The following EIF2B3 variants were observed in gnomAD, a reference collection of about 807,000 sequenced individuals.
EIF2B3 encodes eukaryotic translation initiation factor 2B subunit gamma, also known as translation initiation factor eIF2B subunit gamma.
EIF2B3 carries 20 observed loss-of-function variants against 54.1 expected under a neutral mutation model. That is an observed-to-expected ratio of 0.37 (90% CI 0.26 to 0.54). The LOEUF (loss-of-function observed/expected upper bound fraction) is 0.54, where lower values mean the gene tolerates loss of function less well. Ranked by LOEUF, EIF2B3 falls within the 20% of genes least tolerant of loss-of-function variation. The probability of loss-of-function intolerance (pLI) is 0.86; values close to 1 mark genes in which losing one functional copy is unlikely to be tolerated. For missense variants in EIF2B3, 448 were observed against 547.8 expected (o/e 0.82, Z 1.82); for synonymous variants, 153 against 188.1 (o/e 0.81, Z 1.52).
intron 8 of EIF2B3, among the ~76,000 whole-genome samples, chr1:44,877,072 G>A (rs1249424078): frequency 2.7e-5 from 4 of 150,362 alleles, no homozygotes; most frequent in Non-Finnish European, 3.0e-5. Context: ...AGGCCACAGG[G>A]TCCTCTGCCT....
At chr1:44,897,264 G>A in intron 6 of EIF2B3, 91 bp downstream of exon 6, 3 of 918,180 alleles carry the variant, frequency 3.3e-6, no homozygotes, top group Non-Finnish European at 5.2e-6. Flanking sequence ...TTAGAAACTG[G>A]TTATCTAAAT....
chr1:44,879,865 A>C lies in EIF2B3; in HGVS notation c.928T>G (p.Cys310Gly). The change falls in exon 8 of 12, where the codon TGC (cysteine) becomes GGC (glycine). Residue 310 changes from cysteine to glycine, a missense_variant. Transcript: ENST00000360403. ...CYVHIMKEGL[C>G]SRVSTLGLYM... ...AGTCCCAGTGTGCTCACTCGAGAGC[A>C]GAGCCCCTCTTTCATGATGTGGACA... 6.2e-7 allele frequency: 1 copy of C among 1,614,208 alleles called. No individual in the cohort carries two copies. The highest frequency in any genetic ancestry group is 8.5e-7 in the Non-Finnish European group (1 of 1,180,040).
intron 3 of EIF2B3, chr1:44,958,718 C>T (rs1644253755): frequency 6.3e-7 from 1 of 1,590,220 alleles, no homozygotes. Flanking sequence ...GAAACAGTAC[C>T]CTTTCTGGAA....
chr1:44,857,562 C>A, intron 11 of EIF2B3, 142 bp downstream of exon 11: 1 of 781,546 alleles, frequency 1.3e-6, no homozygotes. Context: ...ATGTCAACTG[C>A]TCTCCAAAGA....
chr1:44,967,542 C>T (rs1172479309), intron 3 of EIF2B3, among the ~76,000 whole-genome samples: 1 of 151,010 alleles, frequency 6.6e-6, no homozygotes, highest in African/African-American at 2.4e-5. Context: ...AGTTTGAGAC[C>T]ATCCTGGCTA....
chr1:44,963,358 C>A (rs952182282), intron 3 of EIF2B3, among the ~76,000 whole-genome samples: 2 of 151,468 alleles, frequency 1.3e-5, no homozygotes, highest in African/African-American at 2.4e-5. Context: ...CAACCTCTGT[C>A]TCCCAGGCTC....
At chr1:44,903,394 G>A (rs1055954098) in intron 5 of EIF2B3, among the ~76,000 whole-genome samples, 1 of 152,144 alleles carries the variant, frequency 6.6e-6, no homozygotes, top group African/African-American at 2.4e-5. Context: ...CAGGCTCAGG[G>A]CAATGCCAAA....
intron 10 of EIF2B3, among the ~76,000 whole-genome samples, chr1:44,861,331 G>GCTA: frequency 6.6e-6 from 1 of 152,230 alleles, no homozygotes; most frequent in East Asian, 1.9e-4. Flanking sequence ...CTTTCAGTTG[G>GCTA]CTACTAGTTT....
chr1:44,876,029 G>A (rs1030717693), intron 8 of EIF2B3, among the ~76,000 whole-genome samples: 5 of 152,244 alleles, frequency 3.3e-5, no homozygotes, highest in South Asian at 2.1e-4. Context: ...CGAGTGATCC[G>A]CCAGCCTCGG....
intron 3 of EIF2B3, among the ~76,000 whole-genome samples, chr1:44,973,314 T>G (rs1263020924): frequency 6.6e-6 from 1 of 152,238 alleles, no homozygotes; most frequent in East Asian, 1.9e-4. Context: ...CGTGGATGGA[T>G]GAATGGCTAA....
At chr1:44,960,282 C>T (rs986832830) in intron 3 of EIF2B3, among the ~76,000 whole-genome samples, 2 of 151,464 alleles carry the variant, frequency 1.3e-5, no homozygotes, top group Non-Finnish European at 2.9e-5. Context: ...CAAAAATATT[C>T]GAGAAAAAAT....
intron 8 of EIF2B3, among the ~76,000 whole-genome samples, chr1:44,878,509 C>T (rs554764189): frequency 1.9e-4 from 29 of 152,002 alleles, no homozygotes; most frequent in Admixed American, 1.8e-3. Context: ...GCGATCCACC[C>T]GTCTCAGCCT....
intron 7 of EIF2B3, among the ~76,000 whole-genome samples, chr1:44,880,982 G>A (rs1002221331): frequency 6.6e-6 from 1 of 151,424 alleles, no homozygotes; most frequent in Non-Finnish European, 1.5e-5. Flanking sequence ...AAAAAAAAAA[G>A]ACACAATGCT....
chr1:44,925,961 C>T (rs1643843166), intron 5 of EIF2B3, among the ~76,000 whole-genome samples: 1 of 151,740 alleles, frequency 6.6e-6, no homozygotes, highest in African/African-American at 2.4e-5. Flanking sequence ...CGCACGGTGG[C>T]TCACGCCTGT....
chr1:44,976,480 C>CA (rs1644454169), intron 3 of EIF2B3, among the ~76,000 whole-genome samples: 1 of 152,162 alleles, frequency 6.6e-6, no homozygotes, highest in Non-Finnish European at 1.5e-5. Context: ...GAAGCAAACG[C>CA]AACTCTTACA....
intron 5 of EIF2B3, among the ~76,000 whole-genome samples, chr1:44,919,684 C>G (rs1486158349): frequency 2.0e-5 from 3 of 148,472 alleles, no homozygotes; most frequent in South Asian, 2.1e-4. Context: ...CATCATCATA[C>G]TGGGGATTCA....
At chr1:44,954,395 G>A (rs758542444) in intron 3 of EIF2B3, among the ~76,000 whole-genome samples, 42 of 152,200 alleles carry the variant, frequency 2.8e-4, no homozygotes, top group Non-Finnish European at 4.1e-4. Context: ...GTTTGTGTCC[G>A]CTCTTATTTC....
intron 3 of EIF2B3, among the ~76,000 whole-genome samples, chr1:44,975,572 T>C (rs947511505): frequency 2.0e-5 from 3 of 152,252 alleles, no homozygotes; most frequent in African/African-American, 7.2e-5. Context: ...AATATGGTAT[T>C]ACAATCTTAT....
rs141522102 is a variant in EIF2B3, at chr1:44,862,211, C to T, written c.1203-4404G>A. 1.1e-3 allele frequency among the ~76,000 whole-genome samples: 164 copies of T among 152,310 alleles called. 2 individuals carry two copies. The highest frequency in any genetic ancestry group is 6.8e-3 in the Middle Eastern group (2 of 294). On this transcript the variant is annotated intron_variant, in intron 10 of 11. Transcript: ENST00000360403. ...CCTAGTTTTAACTCTCAGGTTGGCACGAAGCACTCCGCTGTGCTAATGTCT... is the reference window on the plus strand; with the variant it reads ...CCTAGTTTTAACTCTCAGGTTGGCATGAAGCACTCCGCTGTGCTAATGTCT...
Sources: allele counts gnomAD v4.1 joint callset (sites outside exome capture counted in the v4.1 genomes callset), GRCh38; gene constraint gnomAD v4.1.1; transcripts MANE v1.5; gene names NCBI Gene and HGNC (gene_info 2026-07-23, HGNC 2026-07-21).